RLN2: variants seen among roughly 807,000 people sequenced by gnomAD.
RLN2 encodes the protein relaxin 2, also known as prorelaxin H2.
In RLN2, 10 loss-of-function variants were observed where a neutral mutation model predicts 7.3. The observed-to-expected ratio is 1.36, with a 90% CI of 0.84 to 2.31. The LOEUF (loss-of-function observed/expected upper bound fraction) is 2.31. Ranked by LOEUF, RLN2 falls within the 30% of genes most tolerant of loss-of-function variation. RLN2 has a pLI of 0.00. For missense variants in RLN2, 298 were observed against 217.6 expected (o/e 1.37, Z -2.32); for synonymous variants, 103 against 82.3 (o/e 1.25, Z -1.36).
the RLN2 span, among the ~76,000 whole-genome samples, chr9:5,322,516 T>G: frequency 1.6e-3 from 238 of 152,230 alleles, 4 homozygotes; most frequent in African/African-American, 5.3e-3. Context: ...AGAAGCAAGC[T>G]GTGATCTTCC....
chr9:5,314,407 A>G, the RLN2 span, among the ~76,000 whole-genome samples: 1 of 151,880 alleles, frequency 6.6e-6, no homozygotes, highest in South Asian at 2.1e-4. Context: ...AATGGCACTC[A>G]GCCTCCTAAA....
the RLN2 span, among the ~76,000 whole-genome samples, chr9:5,316,998 A>C: frequency 2.6e-5 from 4 of 152,070 alleles, no homozygotes; most frequent in African/African-American, 9.7e-5. Flanking sequence ...TTAAGTTGCT[A>C]TCAACACAAA....
chr9:5,318,463 G>T, the RLN2 span, among the ~76,000 whole-genome samples: 3 of 151,844 alleles, frequency 2.0e-5, no homozygotes, highest in Admixed American at 6.6e-5. Flanking sequence ...AAATGATGCT[G>T]TAAAACCCCA....
the RLN2 span, among the ~76,000 whole-genome samples, chr9:5,332,368 A>T: frequency 2.0e-5 from 3 of 152,082 alleles, no homozygotes; most frequent in African/African-American, 7.2e-5. Context: ...AAAGATTTTT[A>T]AAAATTGAAT....
chr9:5,304,889 C>G, upstream of RLN2: 1 of 357,786 alleles, frequency 2.8e-6, no homozygotes, highest in Non-Finnish European at 5.1e-6. Flanking sequence ...TCATTCATTA[C>G]CCTCAAACAA....
chr9:5,315,430 G>C, the RLN2 span, among the ~76,000 whole-genome samples: 3 of 151,556 alleles, frequency 2.0e-5, no homozygotes, highest in African/African-American at 7.3e-5. Flanking sequence ...CGAAAAGTGT[G>C]AAGACAGCCA....
At chr9:5,304,728 C>T (rs1816211596), upstream of RLN2, 2 of 754,174 alleles carry the variant, frequency 2.7e-6, no homozygotes, top group African/African-American at 1.8e-5. Context: ...ATCCCTTGGG[C>T]TATCACTCAG....
chr9:5,324,989 A>G, the RLN2 span, among the ~76,000 whole-genome samples: 15 of 152,184 alleles, frequency 9.9e-5, no homozygotes, highest in South Asian at 3.1e-3. Flanking sequence ...GGATAAGTGT[A>G]GGAGAAGTGG....
the RLN2 span, among the ~76,000 whole-genome samples, chr9:5,320,080 G>T: frequency 6.6e-6 from 1 of 151,120 alleles, no homozygotes; most frequent in Non-Finnish European, 1.5e-5. Context: ...CTGCCTCCCG[G>T]ATTCAAGCCA....
chr9:5,335,357 A>T, the RLN2 span: 4 of 1,613,528 alleles, frequency 2.5e-6, no homozygotes, highest in South Asian at 4.4e-5. Context: ...ATCCAAGCCT[A>T]AGTATTTTAA....
At chr9:5,322,268 A>G in the RLN2 span, among the ~76,000 whole-genome samples, 83 of 151,574 alleles carry the variant, frequency 5.5e-4, 1 homozygote, top group African/African-American at 1.7e-3. Context: ...ATCAGGGGTG[A>G]GTTACCCTCC....
At chr9:5,336,228 A>G in the RLN2 span, among the ~76,000 whole-genome samples, 1 of 152,104 alleles carries the variant, frequency 6.6e-6, no homozygotes, top group African/African-American at 2.4e-5. Flanking sequence ...AGTATTTTAT[A>G]TGAAAGAGAG....
At chr9:5,321,856 G>A in the RLN2 span, among the ~76,000 whole-genome samples, 41 of 152,174 alleles carry the variant, frequency 2.7e-4, no homozygotes, top group Non-Finnish European at 4.7e-4. Context: ...TGCCCTTGGT[G>A]TCAGCTGTGC....
chr9:5,319,980 G>A, the RLN2 span, among the ~76,000 whole-genome samples: 1 of 140,986 alleles, frequency 7.1e-6, no homozygotes, highest in Non-Finnish European at 1.6e-5. Context: ...CATCCTCTAA[G>A]CTAACACTTT....
At chr9:5,311,642 A>T in the RLN2 span, 5 of 1,320,050 alleles carry the variant, frequency 3.8e-6, no homozygotes, top group Non-Finnish European at 3.2e-6. Flanking sequence ...CAAGGAGGGG[A>T]ATAACCCTGC....
chr9:5,307,965 A>G (rs896276539), upstream of RLN2, among the ~76,000 whole-genome samples: 13 of 151,854 alleles, frequency 8.6e-5, no homozygotes, highest in Non-Finnish European at 1.8e-4. Context: ...ATTGTTTCCC[A>G]TGATCTGTCA....
At chr9:5,326,745 G>A in the RLN2 span, among the ~76,000 whole-genome samples, 19 of 151,984 alleles carry the variant, frequency 1.3e-4, no homozygotes, top group African/African-American at 4.1e-4. Context: ...GTAAAAGGAG[G>A]ACAGGAAAAT....
chr9:5,337,102 T>C, the RLN2 span, among the ~76,000 whole-genome samples: 2 of 152,086 alleles, frequency 1.3e-5, no homozygotes, highest in Non-Finnish European at 2.9e-5. Flanking sequence ...ATTTATATCA[T>C]TTTTGGTTAA....
In RLN2 at chr9:5,304,362, G is replaced by C; in HGVS notation, c.211+8C>G. On this transcript the variant is annotated splice_region_variant and intron_variant, in intron 1 of 1. Coordinates refer to ENST00000381627, the MANE Select transcript of RLN2 (RefSeq NM_134441.3). ...GCGGGAAGGCCGGGAGGGGGCGGGA[G>C]CTCTCACCTGCCACTGGTCTAGGTG... The C allele has an allele frequency of 3.2e-6, 5 of 1,573,670 alleles. 1 individual carries two copies. The highest frequency in any genetic ancestry group is 4.3e-6 in the Non-Finnish European group (5 of 1,157,308).
Sources: gnomAD v4.1 joint callset for allele counts (sites outside exome capture counted in the v4.1 genomes callset) on GRCh38, gnomAD v4.1.1 for gene constraint, MANE v1.5 for transcripts, NCBI Gene and HGNC (gene_info 2026-07-23, HGNC 2026-07-21) for gene names.